RAB38: variants seen among roughly 807,000 people sequenced by gnomAD.
RAB38 encodes the protein ras-related protein Rab-38.
In RAB38, 15 loss-of-function variants were observed where a neutral mutation model predicts 18.4. That is an observed-to-expected ratio of 0.82 (90% CI 0.55 to 1.26). The LOEUF is 1.26. Among genes scored for constraint, RAB38 ranks in the 50% most tolerant of loss-of-function variants. The probability of loss-of-function intolerance (pLI) is 0.00; values close to 1 mark genes in which losing one functional copy is unlikely to be tolerated. For synonymous variants in RAB38, 101 were observed against 104.4 expected (o/e 0.97, Z 0.20); for missense variants, 294 against 267.4 (o/e 1.10, Z -0.69).
At chr11:87,919,683 G>T in the RAB38 span, among the ~76,000 whole-genome samples, 1 of 151,328 alleles carries the variant, frequency 6.6e-6, no homozygotes, top group African/African-American at 2.4e-5. Flanking sequence ...ACTGGTATTA[G>T]TTACTTAAAT....
chr11:88,020,000 T>C, the RAB38 span, among the ~76,000 whole-genome samples: 106,193 of 152,008 alleles, frequency 0.7, 37,334 homozygotes, highest in East Asian at 0.76. Context: ...TGGTGTATGG[T>C]TCTCATTTAA....
the RAB38 span, among the ~76,000 whole-genome samples, chr11:88,086,433 A>G: frequency 6.6e-6 from 1 of 151,918 alleles, no homozygotes; most frequent in African/African-American, 2.4e-5. Context: ...CTGTCCCTAG[A>G]CAAGGTAATT....
chr11:88,121,711 C>G (rs1273881969), intron 2 of RAB38, among the ~76,000 whole-genome samples: 2 of 152,134 alleles, frequency 1.3e-5, no homozygotes, highest in African/African-American at 4.8e-5. Context: ...TACAGGCGCC[C>G]GCCGCCACGC....
the RAB38 span, among the ~76,000 whole-genome samples, chr11:87,953,593 A>G: frequency 6.6e-6 from 1 of 152,068 alleles, no homozygotes; most frequent in African/African-American, 2.4e-5. Flanking sequence ...TTTATTGTTA[A>G]TCTGTTATTG....
At chr11:87,893,672 A>T in the RAB38 span, among the ~76,000 whole-genome samples, 1 of 151,440 alleles carries the variant, frequency 6.6e-6, no homozygotes, top group African/African-American at 2.4e-5. Flanking sequence ...TAATTTTTCC[A>T]ATCCTCTTCC....
the RAB38 span, among the ~76,000 whole-genome samples, chr11:88,085,445 T>C: frequency 1.3e-5 from 2 of 151,884 alleles, no homozygotes; most frequent in African/African-American, 4.8e-5. Context: ...AAATCAGAAA[T>C]CAAATTCAGA....
At position 88,113,667 on chromosome 11, in the gene RAB38, TA is replaced by T. The variant is rs1263907785; in HGVS notation, c.*320del. 1 of 225,844 alleles carries T rather than the reference TA, an allele frequency of 4.4e-6. No homozygotes were observed. Among genetic ancestry groups the T allele is most frequent in the Non-Finnish European group, 8.9e-6 (1 of 112,048 alleles). The allele number at this position is 225,844 out of a possible 1,614,324, so 14.0% of individuals were successfully genotyped here. A position where few individuals can be genotyped will look rare whatever the true frequency, so the allele number is the denominator to read the frequency against. ...CAGCTAGTTTGTTCTTCTCCCCTTT[TA>T]TTTTAAGACTTGAGGCCTTTGCTGA... On this transcript the variant is annotated 3_prime_UTR_variant, in exon 3 of 3. Transcript: ENST00000243662.
chr11:88,172,499 T>A (rs543462414), intron 1 of RAB38, among the ~76,000 whole-genome samples: 1 of 152,176 alleles, frequency 6.6e-6, no homozygotes, highest in African/African-American at 2.4e-5. Flanking sequence ...GTATATGATA[T>A]CCTATCAGAA....
the RAB38 span, among the ~76,000 whole-genome samples, chr11:87,843,129 G>T: frequency 6.6e-6 from 1 of 152,090 alleles, no homozygotes; most frequent in Non-Finnish European, 1.5e-5. Flanking sequence ...CTGAGAGGTG[G>T]GCGCACAAAC....
chr11:88,144,670 TC>T (rs1242751702), intron 2 of RAB38, among the ~76,000 whole-genome samples: 1 of 152,214 alleles, frequency 6.6e-6, no homozygotes, highest in East Asian at 1.9e-4. Context: ...TAAGAAAGCT[TC>T]TTCCCAGGGC....
At chr11:88,155,723 T>G (rs72960978) in intron 1 of RAB38, among the ~76,000 whole-genome samples, 1 of 152,114 alleles carries the variant, frequency 6.6e-6, no homozygotes, top group African/African-American at 2.4e-5. Flanking sequence ...GATAAAGAAT[T>G]CAAATCATGG....
chr11:88,140,206 T>C (rs1301023992), intron 2 of RAB38, among the ~76,000 whole-genome samples: 2 of 152,198 alleles, frequency 1.3e-5, no homozygotes, highest in African/African-American at 2.4e-5. Context: ...TCTTCTTTAC[T>C]TCTCCATCCA....
rs775674101 is a variant in RAB38 at position 88,175,436 on chromosome 11, C to T, written c.-52G>A. ...CCTGACCAGGGAAGCGCAGCCTGGGCTCTGCGCACGAGAGAGACTTGGGGA... is the reference window on the plus strand; with the variant it reads ...CCTGACCAGGGAAGCGCAGCCTGGGTTCTGCGCACGAGAGAGACTTGGGGA... On this transcript the variant is annotated 5_prime_UTR_variant, in exon 1 of 3. Coordinates refer to ENST00000243662, the MANE Select transcript of RAB38 (RefSeq NM_022337.3). 3 of 1,571,078 alleles carry T rather than the reference C, an allele frequency of 1.9e-6. No homozygotes were observed. The highest frequency in any genetic ancestry group is 2.3e-5 in the East Asian group (1 of 42,834).
At chr11:87,822,226 A>G in the RAB38 span, among the ~76,000 whole-genome samples, 1 of 152,332 alleles carries the variant, frequency 6.6e-6, no homozygotes, top group African/African-American at 2.4e-5. Flanking sequence ...TCCAAAATAC[A>G]TAAAAAATTG....
At chr11:88,067,378 GT>G in the RAB38 span, among the ~76,000 whole-genome samples, 1 of 148,816 alleles carries the variant, frequency 6.7e-6, no homozygotes, top group Admixed American at 6.7e-5. Context: ...GACCAGAGAA[GT>G]TAGGTAGCTT....
chr11:88,026,597 A>G, the RAB38 span, among the ~76,000 whole-genome samples: 1 of 150,118 alleles, frequency 6.7e-6, no homozygotes, highest in Non-Finnish European at 1.5e-5. Flanking sequence ...AGGAAAAGAA[A>G]TGAAACTCCT....
the RAB38 span, among the ~76,000 whole-genome samples, chr11:87,966,454 G>A: frequency 2.0e-5 from 3 of 152,124 alleles, no homozygotes; most frequent in Admixed American, 2.0e-4. Flanking sequence ...TCAGATGGTA[G>A]GGAAAATGCA....
intron 1 of RAB38, among the ~76,000 whole-genome samples, chr11:88,162,583 C>T (rs1221032820): frequency 2.6e-5 from 4 of 151,578 alleles, no homozygotes; most frequent in South Asian, 2.1e-4. Flanking sequence ...AATTTCATCT[C>T]GTCTAATCTC....
the RAB38 span, among the ~76,000 whole-genome samples, chr11:87,873,200 T>C: frequency 6.6e-6 from 1 of 151,608 alleles, no homozygotes; most frequent in Non-Finnish European, 1.5e-5. Context: ...TAGTAATATA[T>C]GATGTTGAGC....
Sources: allele counts gnomAD v4.1 joint callset (sites outside exome capture counted in the v4.1 genomes callset), GRCh38; gene constraint gnomAD v4.1.1; transcripts MANE v1.5; gene names NCBI Gene and HGNC (gene_info 2026-07-23, HGNC 2026-07-21).